Variants in ITPR2 observed in about 807,000 individuals in gnomAD.
ITPR2 encodes inositol 1,4,5-trisphosphate-gated calcium channel ITPR2.
ITPR2 carries 207 observed loss-of-function variants against 317.1 expected under a neutral mutation model. The observed-to-expected ratio is 0.65, with a 90% CI of 0.58 to 0.73. The LOEUF is 0.73. ITPR2 is among the 30% of genes least tolerant of loss of function. The pLI is 0.00. For synonymous variants in ITPR2, 1,156 were observed against 1,149.1 expected, an observed-to-expected ratio of 1.01 and a Z score of -0.12; for missense variants, 2,613 against 3,284.0, an observed-to-expected ratio of 0.80 and a Z score of 4.99.
intron 10 of ITPR2, among the ~76,000 whole-genome samples, chr12:26,694,240 T>C (rs78889557): frequency 0.13 from 20,542 of 152,228 alleles, 1,801 homozygotes; most frequent in Non-Finnish European, 0.2. Flanking sequence ...TCCCTAATCA[T>C]GTCTAAACAC....
At chr12:26,785,653 T>G (rs1225214425) in intron 2 of ITPR2, among the ~76,000 whole-genome samples, 4 of 17,880 alleles carry the variant, frequency 2.2e-4, no homozygotes, top group African/African-American at 4.9e-4. Context: ...GGGAGGGAGG[T>G]GGGGGGGTCA....
At chr12:26,503,190 A>AACACACACACAC (rs57271500) in intron 37 of ITPR2, among the ~76,000 whole-genome samples, 44,104 of 138,944 alleles carry the variant, frequency 0.32, 7,852 homozygotes, top group South Asian at 0.48. Context: ...GCCCCCCACC[A>AACACACACACAC]ACACACACAC....
intron 37 of ITPR2, among the ~76,000 whole-genome samples, chr12:26,501,331 T>G (rs1463028044): frequency 6.6e-6 from 1 of 152,240 alleles, no homozygotes; most frequent in Non-Finnish European, 1.5e-5. Flanking sequence ...TTTCAATACA[T>G]TAATGTAACA....
In ITPR2 at chr12:26,533,270, A is replaced by T. The variant is rs560260455; in HGVS notation, c.5073+16977T>A. Among the ~76,000 whole-genome samples the T allele has an allele frequency of 1.6e-3, 248 of 152,278 alleles. 1 individual carries two copies. The highest frequency in any genetic ancestry group is 3.1e-3 in the Non-Finnish European group (208 of 68,012). On this transcript the variant is annotated intron_variant, in intron 37 of 56. Coordinates refer to ENST00000381340, the MANE Select transcript of ITPR2 (RefSeq NM_002223.4). ...TGTCACTTGAGTTTTTATTCCAATC[A>T]ACTGGTTTTTTTCAACCTTAACCTA...
intron 55 of ITPR2, among the ~76,000 whole-genome samples, chr12:26,372,991 T>C (rs1261438975): frequency 2.0e-5 from 3 of 152,156 alleles, no homozygotes; most frequent in Non-Finnish European, 4.4e-5. Context: ...ATAATCAGTG[T>C]TGTCCTACTG....
At chr12:26,425,033 T>C (rs1305190587) in intron 49 of ITPR2, among the ~76,000 whole-genome samples, 3 of 152,066 alleles carry the variant, frequency 2.0e-5, no homozygotes, top group Non-Finnish European at 2.9e-5. Flanking sequence ...AGTGCTGGGA[T>C]TACAGGCATC....
At chr12:26,773,284 G>A (rs1356964011) in intron 2 of ITPR2, among the ~76,000 whole-genome samples, 3 of 152,134 alleles carry the variant, frequency 2.0e-5, no homozygotes, top group Non-Finnish European at 4.4e-5. Flanking sequence ...TTAATATTTA[G>A]GACTTTCTAT....
At chr12:26,614,947 G>T (rs996983572) in intron 26 of ITPR2, among the ~76,000 whole-genome samples, 26 of 152,142 alleles carry the variant, frequency 1.7e-4, no homozygotes, top group African/African-American at 5.1e-4. Context: ...ATAAATTATG[G>T]ATTTTAGTTT....
At chr12:26,478,737 A>C (rs1942473496) in intron 43 of ITPR2, among the ~76,000 whole-genome samples, 1 of 152,156 alleles carries the variant, frequency 6.6e-6, no homozygotes, top group South Asian at 2.1e-4. Context: ...AAGAAGCCAG[A>C]TTCTTTGAAA....
chr12:26,739,100 T>C (rs187458700), intron 2 of ITPR2, among the ~76,000 whole-genome samples: 2 of 152,234 alleles, frequency 1.3e-5, no homozygotes, highest in Admixed American at 1.3e-4. Flanking sequence ...ACTATGACCA[T>C]AATTAGATAC....
chr12:26,772,423 T>TTATATATAATACATGTATTATATATATTA (rs1243641166), intron 2 of ITPR2, among the ~76,000 whole-genome samples: 6 of 93,962 alleles, frequency 6.4e-5, no homozygotes, highest in Non-Finnish European at 1.2e-4. Flanking sequence ...TTTATATATA[T>TTATATATAATACATGTATTATATATATTA]TATATATAAT....
At chr12:26,725,906 C>A in intron 2 of ITPR2, 141 bp from the exon 3 acceptor site, 1 of 593,174 alleles carries the variant, frequency 1.7e-6, no homozygotes, top group Non-Finnish European at 3.0e-6. Flanking sequence ...CTCCAGCCAA[C>A]TCTCCATTCA....
chr12:26,512,836 T>C, intron 37 of ITPR2, among the ~76,000 whole-genome samples: 1 of 151,616 alleles, frequency 6.6e-6, no homozygotes, highest in South Asian at 2.1e-4. Context: ...TTTTTTTTTT[T>C]TTTTGAGACA....
At chr12:26,566,459 G>A (rs1297373669) in intron 34 of ITPR2, among the ~76,000 whole-genome samples, 6 of 137,666 alleles carry the variant, frequency 4.4e-5, no homozygotes, top group African/African-American at 1.4e-4. Context: ...AGGGGAGGAG[G>A]AGAGGAGAGG....
chr12:26,637,588 C>CA (rs970908599), intron 21 of ITPR2, among the ~76,000 whole-genome samples: 1 of 151,406 alleles, frequency 6.6e-6, no homozygotes, highest in African/African-American at 2.4e-5. Context: ...ATAATATGTG[C>CA]AAAAAAAGCC....
intron 13 of ITPR2, among the ~76,000 whole-genome samples, chr12:26,673,496 C>A (rs1260015359): frequency 5.9e-4 from 90 of 151,574 alleles, no homozygotes; most frequent in African/African-American, 2.1e-3. Context: ...ATTCAACAAC[C>A]CTTCATGCTA....
intron 45 of ITPR2, among the ~76,000 whole-genome samples, chr12:26,451,423 T>C (rs1181533738): frequency 1.4e-5 from 2 of 141,730 alleles, no homozygotes; most frequent in Non-Finnish European, 3.0e-5. Context: ...AGTAAGGAAC[T>C]GATGCCTTCC....
chr12:26,473,076 G>A (rs1942332625), intron 45 of ITPR2, among the ~76,000 whole-genome samples: 1 of 152,000 alleles, frequency 6.6e-6, no homozygotes, highest in Non-Finnish European at 1.5e-5. Flanking sequence ...TAGTACAGAT[G>A]AGGTTTCACC....
At chr12:26,778,679 C>T (rs1388688437) in intron 2 of ITPR2, among the ~76,000 whole-genome samples, 5 of 152,198 alleles carry the variant, frequency 3.3e-5, no homozygotes, top group Non-Finnish European at 7.3e-5. Context: ...TTTGCTTCCA[C>T]AAGATATCAC....
Sources: allele counts gnomAD v4.1 joint callset (sites outside exome capture counted in the v4.1 genomes callset), GRCh38; gene constraint gnomAD v4.1.1; transcripts MANE v1.5; gene names NCBI Gene and HGNC (gene_info 2026-07-23, HGNC 2026-07-21).